Variants in ACYP2 observed in about 807,000 individuals in gnomAD.
ACYP2 encodes the protein acylphosphatase-2.
In ACYP2, 12 loss-of-function variants were observed where a neutral mutation model predicts 11.2. That is an observed-to-expected ratio of 1.08 (90% CI 0.69 to 1.74). The LOEUF (loss-of-function observed/expected upper bound fraction) is 1.74. Ranked by LOEUF, ACYP2 falls within the 40% of genes most tolerant of loss-of-function variation. The pLI, the probability that ACYP2 is intolerant of heterozygous loss-of-function variation, is 0.00. For missense variants in ACYP2, 134 were observed against 101.9 expected (o/e 1.31, Z -1.35); for synonymous variants, 43 against 32.2 (o/e 1.33, Z -1.13).
At chr2:54,091,114 C>T (rs142161943) in intron 4 of ACYP2, among the ~76,000 whole-genome samples, 3 of 152,272 alleles carry the variant, frequency 2.0e-5, no homozygotes, top group Non-Finnish European at 4.4e-5. Context: ...ATTAAAAGGA[C>T]AAAAGGGGTT....
At chr2:54,099,613 C>T (rs921702730) in intron 4 of ACYP2, among the ~76,000 whole-genome samples, 1 of 152,170 alleles carries the variant, frequency 6.6e-6, no homozygotes, top group Non-Finnish European at 1.5e-5. Context: ...CACAGGATTT[C>T]CTTCTTTGTT....
intron 2 of ACYP2, among the ~76,000 whole-genome samples, chr2:53,996,786 A>G (rs368028184): frequency 5.9e-5 from 9 of 152,354 alleles, no homozygotes; most frequent in Admixed American, 2.6e-4. Context: ...CTTCACAAGT[A>G]CAGAGCACAG....
At chr2:54,019,051 T>TTTA (rs1553355262) in intron 2 of ACYP2, among the ~76,000 whole-genome samples, 24 of 151,070 alleles carry the variant, frequency 1.6e-4, no homozygotes, top group Non-Finnish European at 2.2e-4. Context: ...GGCCTATTTT[T>TTTA]TTATTATTAT....
At chr2:54,232,066 C>A (rs1050825412) in intron 6 of ACYP2, among the ~76,000 whole-genome samples, 3 of 152,130 alleles carry the variant, frequency 2.0e-5, no homozygotes, top group East Asian at 1.9e-4. Flanking sequence ...GTCATCAAAC[C>A]ATATTAGTTA....
chr2:54,045,886 C>G (rs1675495041), intron 2 of ACYP2, among the ~76,000 whole-genome samples: 1 of 148,608 alleles, frequency 6.7e-6, no homozygotes, highest in Non-Finnish European at 1.5e-5. Flanking sequence ...AAAGGATTGG[C>G]TAGGCTGGGA....
chr2:54,259,600 G>A (rs1433624329), intron 6 of ACYP2, among the ~76,000 whole-genome samples: 2 of 151,144 alleles, frequency 1.3e-5, no homozygotes, highest in Non-Finnish European at 2.9e-5. Context: ...TTGACCGTCG[G>A]ATTTTACAAC....
intron 6 of ACYP2, among the ~76,000 whole-genome samples, chr2:54,190,436 C>T (rs911172460): frequency 6.6e-6 from 1 of 152,048 alleles, no homozygotes; most frequent in Non-Finnish European, 1.5e-5. Context: ...CTCACTAATC[C>T]ACCGATACTG....
intron 6 of ACYP2, among the ~76,000 whole-genome samples, chr2:54,217,133 G>A (rs1685590106): frequency 6.6e-6 from 1 of 152,006 alleles, no homozygotes; most frequent in Non-Finnish European, 1.5e-5. Context: ...ACCTGGTCTA[G>A]AAAAGTGCTG....
At chr2:54,200,414 C>A (rs940109313) in intron 6 of ACYP2, among the ~76,000 whole-genome samples, 3 of 152,152 alleles carry the variant, frequency 2.0e-5, no homozygotes, top group Non-Finnish European at 4.4e-5. Context: ...GGCAGTCACT[C>A]CCTATTTCCC....
intron 6 of ACYP2, among the ~76,000 whole-genome samples, chr2:54,300,628 G>T (rs1279948766): frequency 1.3e-5 from 2 of 151,982 alleles, no homozygotes; most frequent in African/African-American, 4.8e-5. Context: ...TCCTTTCCTC[G>T]CTTTCCACAA....
At chr2:54,157,327 A>G (rs1682479187) in intron 6 of ACYP2, among the ~76,000 whole-genome samples, 1 of 152,226 alleles carries the variant, frequency 6.6e-6, no homozygotes, top group Non-Finnish European at 1.5e-5. Context: ...CACACATATT[A>G]TTCTGCAACT....
At chr2:54,208,704 ACT>A (rs1558614375) in intron 6 of ACYP2, among the ~76,000 whole-genome samples, 3 of 140,906 alleles carry the variant, frequency 2.1e-5, no homozygotes, top group East Asian at 2.3e-4. Flanking sequence ...AAAAAGGGAG[ACT>A]TTTTTTTTTC....
chr2:54,277,939 A>C (rs1207769245), intron 6 of ACYP2, among the ~76,000 whole-genome samples: 1 of 152,294 alleles, frequency 6.6e-6, no homozygotes, highest in Non-Finnish European at 1.5e-5. Flanking sequence ...ATAAATCCCC[A>C]AGTCTCCAAC....
chr2:54,032,536 G>A (rs1651886195), intron 2 of ACYP2, among the ~76,000 whole-genome samples: 1 of 152,152 alleles, frequency 6.6e-6, no homozygotes, highest in Non-Finnish European at 1.5e-5. Flanking sequence ...TAGCTTTGTA[G>A]TATACTTTGA....
intron 6 of ACYP2, chr2:54,142,196 T>C (rs959224780): frequency 6.4e-6 from 2 of 312,554 alleles, no homozygotes; most frequent in Non-Finnish European, 1.2e-5. Context: ...TACAGAAAAA[T>C]TGTGAAGATA....
At chr2:54,278,268 G>C (rs1189581429) in intron 6 of ACYP2, among the ~76,000 whole-genome samples, 1 of 152,182 alleles carries the variant, frequency 6.6e-6, no homozygotes, top group African/African-American at 2.4e-5. Flanking sequence ...GTCAGCCACC[G>C]CACCTAGCCC....
At chr2:54,124,834 C>T (rs568999462) in intron 4 of ACYP2, among the ~76,000 whole-genome samples, 3 of 152,314 alleles carry the variant, frequency 2.0e-5, no homozygotes, top group East Asian at 1.9e-4. Flanking sequence ...TCCCTAATAG[C>T]TGGGACTAGA....
At chr2:54,297,092 T>C (rs909736944) in intron 6 of ACYP2, among the ~76,000 whole-genome samples, 8 of 115,984 alleles carry the variant, frequency 6.9e-5, no homozygotes, top group African/African-American at 2.1e-4. Flanking sequence ...TGTTGGCTCC[T>C]TGGGTGGGTG....
chr2:54,276,588 T>A lies in ACYP2; in HGVS notation c.405-28100T>A, dbSNP rs137908068. On this transcript the variant is annotated intron_variant, in intron 6 of 6. Coordinates refer to ENST00000607452, the MANE Select transcript of ACYP2 (RefSeq NM_001320586.2). The stretch of plus-strand genomic sequence containing the variant: ...TGACTTTGATCATGAAAACCACATT[T>A]CATCTTTTTCTTTGGGTTCAGATTG... Among the ~76,000 whole-genome samples, 809 of 150,438 alleles carry A rather than the reference T, an allele frequency of 5.4e-3. 8 individuals carry two copies. Among genetic ancestry groups the A allele is most frequent in the African/African-American group, 0.019 (765 of 40,660 alleles).
Sources: gnomAD v4.1 joint callset for allele counts (sites outside exome capture counted in the v4.1 genomes callset) on GRCh38, gnomAD v4.1.1 for gene constraint, MANE v1.5 for transcripts, NCBI Gene and HGNC (gene_info 2026-07-23, HGNC 2026-07-21) for gene names.